DIP2B: variants seen among roughly 807,000 people sequenced by gnomAD.
DIP2B encodes disco-interacting protein 2 homolog B.
Under a neutral mutation model 198.0 loss-of-function variants are expected in DIP2B, and 76 were observed. The observed-to-expected ratio is 0.38, with a 90% CI of 0.32 to 0.46. DIP2B has a LOEUF of 0.46. DIP2B is among the 20% of genes least tolerant of loss of function. The pLI, the probability that DIP2B is intolerant of heterozygous loss-of-function variation, is 0.99. For synonymous variants in DIP2B, 701 were observed against 739.1 expected (o/e 0.95, Z 0.84); for missense variants, 1,559 against 1,978.4 (o/e 0.79, Z 4.02).
intron 1 of DIP2B, among the ~76,000 whole-genome samples, chr12:50,544,602 G>A (rs922192279): frequency 6.7e-6 from 1 of 150,128 alleles, no homozygotes; most frequent in East Asian, 2.0e-4. Flanking sequence ...CACTGCACCT[G>A]GCCTCAGATA....
At chr12:50,712,230 A>G (rs1160287084) in intron 22 of DIP2B, among the ~76,000 whole-genome samples, 2 of 152,148 alleles carry the variant, frequency 1.3e-5, no homozygotes, top group African/African-American at 4.8e-5. Context: ...CTGTGGGTTC[A>G]TTCTACTTCT....
chr12:50,691,709 T>A (rs959697050), intron 13 of DIP2B, among the ~76,000 whole-genome samples: 7 of 152,146 alleles, frequency 4.6e-5, no homozygotes, highest in Non-Finnish European at 1.0e-4. Context: ...TGAAATTATA[T>A]ATATATACGC....
At chr12:50,574,631 G>C (rs1398370377) in intron 1 of DIP2B, among the ~76,000 whole-genome samples, 3 of 152,218 alleles carry the variant, frequency 2.0e-5, no homozygotes, top group Non-Finnish European at 4.4e-5. Context: ...AATGATCTAA[G>C]TGGCAAAGAC....
At chr12:50,540,291 A>T (rs1443078502) in intron 1 of DIP2B, among the ~76,000 whole-genome samples, 1 of 134,350 alleles carries the variant, frequency 7.4e-6, no homozygotes, top group Non-Finnish European at 1.7e-5. Context: ...TTGTATATTT[A>T]GTAGAGACGG....
intron 1 of DIP2B, among the ~76,000 whole-genome samples, chr12:50,559,145 T>G (rs929014438): frequency 2.0e-5 from 3 of 152,096 alleles, no homozygotes; most frequent in Non-Finnish European, 2.9e-5. Flanking sequence ...CATGGGTGAT[T>G]AGGTGATCAC....
chr12:50,711,536 G>T (rs114346663), intron 22 of DIP2B, among the ~76,000 whole-genome samples: 1 of 151,992 alleles, frequency 6.6e-6, no homozygotes, highest in Admixed American at 6.6e-5. Context: ...TTATTCTTTT[G>T]CCCTTTTAAA....
At chr12:50,695,762 A>C (rs1231377480) in intron 15 of DIP2B, 86 bp from the exon 16 acceptor site, 9 of 1,546,860 alleles carry the variant, frequency 5.8e-6, no homozygotes, top group Non-Finnish European at 7.0e-6. Context: ...TGATTCCCCA[A>C]ATAAGTAAAA....
At chr12:50,656,544 T>TA (rs1412457233) in intron 3 of DIP2B, among the ~76,000 whole-genome samples, 1 of 152,144 alleles carries the variant, frequency 6.6e-6, no homozygotes, top group Admixed American at 6.6e-5. Flanking sequence ...GTGATATAAA[T>TA]AACTAAGGGA....
intron 1 of DIP2B, among the ~76,000 whole-genome samples, chr12:50,570,214 T>G (rs1027265783): frequency 1.3e-5 from 2 of 152,260 alleles, no homozygotes; most frequent in African/African-American, 4.8e-5. Context: ...GAAATCTTGA[T>G]ATCTAGATCT....
chr12:50,678,969 C>T, intron 8 of DIP2B, 93 bp downstream of exon 8: 2 of 1,353,680 alleles, frequency 1.5e-6, no homozygotes, highest in South Asian at 1.3e-5. Context: ...AGTTGCTGGC[C>T]ATTATGTTTC....
rs764454785 is a variant in DIP2B at position 50,732,479 on chromosome 12, C to T, written c.3924C>T (p.Ser1308=). The T allele has an allele frequency of 1.5e-5, 24 of 1,614,166 alleles. No individual in the cohort carries two copies. The East Asian group carries it at 5.1e-4, about 34-fold the overall frequency. ...FSKLFKDIGL[S]PRAVSTTFGS... ...AGCTCTTCAAAGACATCGGGCTGTC[C>T]CCGCGGGCTGTCAGCACCACTTTTG... Residue 1308 remains serine (S), a synonymous_variant, in exon 32 of 38, where the codon TCC becomes TCT. Transcript: ENST00000301180.
chr12:50,579,729 A>G (rs1276331087), intron 1 of DIP2B, among the ~76,000 whole-genome samples: 1 of 126,642 alleles, frequency 7.9e-6, no homozygotes, highest in Non-Finnish European at 1.6e-5. Flanking sequence ...ACATAGCTTC[A>G]TGGACCCCTG....
At chr12:50,601,328 T>G (rs559749067) in intron 1 of DIP2B, among the ~76,000 whole-genome samples, 1 of 143,416 alleles carries the variant, frequency 7.0e-6, no homozygotes, top group East Asian at 2.3e-4. Flanking sequence ...TATATATATC[T>G]ATATATTTTT....
chr12:50,539,547 C>T (rs976921604), intron 1 of DIP2B, among the ~76,000 whole-genome samples: 6 of 146,820 alleles, frequency 4.1e-5, no homozygotes, highest in African/African-American at 1.0e-4. Context: ...GCCTGAGAGG[C>T]GGAGGTTGCA....
At chr12:50,617,874 T>C (rs1255425840) in intron 1 of DIP2B, among the ~76,000 whole-genome samples, 1 of 152,170 alleles carries the variant, frequency 6.6e-6, no homozygotes, top group Non-Finnish European at 1.5e-5. Flanking sequence ...AGGAGCAGAA[T>C]TGTTAATACA....
intron 1 of DIP2B, among the ~76,000 whole-genome samples, chr12:50,543,164 G>A (rs573710047): frequency 4.6e-5 from 7 of 152,010 alleles, no homozygotes; most frequent in African/African-American, 9.7e-5. Context: ...GTGAGCCACC[G>A]TGCCTGTCCC....
chr12:50,583,324 C>T (rs960956043), intron 1 of DIP2B, among the ~76,000 whole-genome samples: 8 of 151,876 alleles, frequency 5.3e-5, no homozygotes, highest in African/African-American at 1.9e-4. Flanking sequence ...CAGCCAGACT[C>T]CTCTTCTATT....
intron 1 of DIP2B, among the ~76,000 whole-genome samples, chr12:50,556,588 C>T (rs1036162628): frequency 2.6e-5 from 4 of 151,548 alleles, no homozygotes; most frequent in Non-Finnish European, 5.9e-5. Flanking sequence ...GAGTCTCGCC[C>T]TGTCGCCCAG....
chr12:50,523,394 C>A (rs561128237), intron 1 of DIP2B, among the ~76,000 whole-genome samples: 29 of 152,078 alleles, frequency 1.9e-4, no homozygotes, highest in African/African-American at 6.7e-4. Context: ...TTTTCCTCCA[C>A]CTATTTTCAC....
Sources: allele counts gnomAD v4.1 joint callset (sites outside exome capture counted in the v4.1 genomes callset), GRCh38; gene constraint gnomAD v4.1.1; transcripts MANE v1.5; gene names NCBI Gene and HGNC (gene_info 2026-07-23, HGNC 2026-07-21).